CALCA: variants seen among roughly 807,000 people sequenced by gnomAD.
CALCA encodes calcitonin related polypeptide alpha, also known as calcitonin.
A neutral mutation model predicts 6.9 loss-of-function variants in CALCA; 4 were observed. The ratio of observed to expected loss-of-function variants is 0.58; its 90% CI spans 0.29 to 1.33. The LOEUF (loss-of-function observed/expected upper bound fraction) is 1.33, where lower values mean the gene tolerates loss of function less well. Ranked by LOEUF, CALCA falls within the 40% of genes most tolerant of loss-of-function variation. CALCA has a pLI of 0.09. For missense variants in CALCA, 174 were observed against 178.3 expected (o/e 0.98, Z 0.14); for synonymous variants, 78 against 70.0 (o/e 1.11, Z -0.57).
intron 3 of CALCA, 64 bp from the exon 4 acceptor site, chr11:14,969,061 T>C: frequency 6.7e-7 from 1 of 1,499,348 alleles, no homozygotes; most frequent in Admixed American, 1.7e-5. Context: ...GGCAGTCACT[T>C]AGAAGGTTAG....
chr11:14,971,300 G>T, intron 1 of CALCA, 99 bp from the exon 2 acceptor site: 2 of 816,336 alleles, frequency 2.4e-6, no homozygotes, highest in South Asian at 1.4e-5. Context: ...TGCTTCTAAC[G>T]CTCTGGCTTT....
At chr11:14,971,005 C>T in intron 2 of CALCA, 102 bp downstream of exon 2, 1 of 913,998 alleles carries the variant, frequency 1.1e-6, no homozygotes. Context: ...GAGTACATAC[C>T]TTACCCCGGC....
chr11:14,968,727 G>A lies in CALCA; in HGVS notation c.*72C>T. ...AATACCAGCCCAAAGAGCCACCAGAGAGGAACCAAACCACATGCATCAAGT... is the reference window on the plus strand; with the variant it reads ...AATACCAGCCCAAAGAGCCACCAGAAAGGAACCAAACCACATGCATCAAGT... On this transcript the variant is annotated 3_prime_UTR_variant, in exon 4 of 4. Coordinates refer to ENST00000331587, the MANE Select transcript of CALCA (RefSeq NM_001741.3). The A allele has an allele frequency of 6.2e-7, 1 of 1,613,224 alleles. No homozygotes were observed. The highest frequency in any genetic ancestry group is 8.5e-7 in the Non-Finnish European group (1 of 1,179,748).
At chr11:14,966,941 G>C (rs1488854571), downstream of CALCA, 1 of 152,660 alleles carries the variant, frequency 6.6e-6, no homozygotes, top group Non-Finnish European at 1.5e-5. Flanking sequence ...ATGCACAATA[G>C]GTAACTGCAA....
rs1555026136 is a variant in CALCA, at chr11:14,970,018, GC to G, written c.143del (p.Arg48ProfsTer14). Reference sequence around the variant, plus strand: ...CCTGCACCAGTGCAGCCAGCAGGAGGCGCGCTTCGTCCTCACTGAGCGTGGC... The same window carrying G: ...CCTGCACCAGTGCAGCCAGCAGGAGGGCGCTTCGTCCTCACTGAGCGTGGC... ...DPATLSEDEA[R>X]LLLAALVQDY... On this transcript the variant is annotated frameshift_variant, in exon 3 of 4. Coordinates refer to ENST00000331587, the MANE Select transcript of CALCA (RefSeq NM_001741.3). LOFTEE classifies it high-confidence loss of function. 1.2e-6 allele frequency: 2 copies of G among 1,614,088 alleles called. No individual in the cohort carries two copies. Among genetic ancestry groups the G allele is most frequent in the Non-Finnish European group, 1.7e-6 (2 of 1,180,052 alleles).
At chr11:14,967,805 G>A (rs782816793), downstream of CALCA, 31 of 1,614,068 alleles carry the variant, frequency 1.9e-5, no homozygotes, top group Admixed American at 2.2e-4. Flanking sequence ...CCTGCCAGCC[G>A]ATGAGTCACA....
intron 3 of CALCA, among the ~76,000 whole-genome samples, chr11:14,969,710 A>G (rs1356432428): frequency 2.6e-5 from 4 of 152,060 alleles, no homozygotes; most frequent in African/African-American, 9.7e-5. Context: ...TTTCCTAAGA[A>G]CTTTCAGAAA....
chr11:14,970,085 G>A lies in CALCA; in HGVS notation c.87-10C>T. 6.2e-7 allele frequency: 1 copy of A among 1,614,158 alleles called. No individual in the cohort carries two copies. The highest frequency in any genetic ancestry group is 8.5e-7 in the Non-Finnish European group (1 of 1,180,006). Reference sequence around the variant, plus strand: ...GCTCTCCAGGGCAGACCTGTGGAGGGGAAGCAAACTCAGTGCAGGCTGTGA... The same window carrying A: ...GCTCTCCAGGGCAGACCTGTGGAGGAGAAGCAAACTCAGTGCAGGCTGTGA... On this transcript the variant is annotated splice_polypyrimidine_tract_variant and intron_variant, in intron 2 of 3. Transcript: ENST00000331587.
intron 2 of CALCA, among the ~76,000 whole-genome samples, chr11:14,970,522 G>A (rs1451145777): frequency 5.9e-5 from 9 of 152,152 alleles, no homozygotes; most frequent in African/African-American, 2.2e-4. Context: ...AATCATGGCT[G>A]AATAGGATAA....
chr11:14,969,078 C>T, intron 3 of CALCA, 81 bp from the exon 4 acceptor site: 2 of 1,354,630 alleles, frequency 1.5e-6, no homozygotes, highest in South Asian at 2.3e-5. Context: ...TTAGACCAGG[C>T]AGGGGACCCT....
chr11:14,968,419 T>C (rs1202001958), downstream of CALCA: 1 of 1,177,850 alleles, frequency 8.5e-7, no homozygotes, highest in Non-Finnish European at 1.1e-6. Flanking sequence ...TAGCCTAGGG[T>C]TAAGGCTATT....
At chr11:14,968,252 C>T (rs1388446959), downstream of CALCA, 1 of 323,236 alleles carries the variant, frequency 3.1e-6, no homozygotes, top group East Asian at 8.1e-5. Context: ...GCACCAAATA[C>T]CCTTTCTTAG....
At chr11:14,970,386 A>G (rs1849572801) in intron 2 of CALCA, among the ~76,000 whole-genome samples, 1 of 152,256 alleles carries the variant, frequency 6.6e-6, no homozygotes, top group Non-Finnish European at 1.5e-5. Context: ...GCTGAACCTG[A>G]AAATAGTTTC....
rs782409765 is a variant in CALCA at position 14,971,147 on chromosome 11, C to G, written c.46G>C (p.Val16Leu). Residue 16 changes from valine to leucine, a missense_variant, in exon 2 of 4, where the codon GTC (valine) becomes CTC (leucine). Coordinates refer to ENST00000331587, the MANE Select transcript of CALCA (RefSeq NM_001741.3). Reference protein sequence around the residue: ...FSPFLALSILVLLQAGSLHAA... With the variant: ...FSPFLALSILLLLQAGSLHAA... ...TGGAGGCTGCCTGCCTGCAACAGGA[C>G]CAAGATGCTGAGAGCCAGGAAGGGG... is the stretch of plus-strand genomic sequence containing the variant. The G allele has an allele frequency of 1.2e-6, 2 of 1,614,032 alleles. No individual in the cohort carries two copies. The highest frequency in any genetic ancestry group is 1.7e-6 in the Non-Finnish European group (2 of 1,179,994).
chr11:14,968,285 T>C (rs896402616), downstream of CALCA: 4 of 351,228 alleles, frequency 1.1e-5, no homozygotes, highest in Non-Finnish European at 2.0e-5. Context: ...TTCCTCAGTC[T>C]TACCTGGAAG....
intron 2 of CALCA, 50 bp from the exon 3 acceptor site, chr11:14,970,125 C>T: frequency 6.2e-7 from 1 of 1,608,272 alleles, no homozygotes; most frequent in Non-Finnish European, 8.5e-7. Flanking sequence ...CTGCCTGCCC[C>T]TCCCCAGGAT....
downstream of CALCA, chr11:14,968,418 G>T (rs782444972): frequency 2.5e-6 from 3 of 1,179,272 alleles, no homozygotes; most frequent in Non-Finnish European, 3.2e-6. Flanking sequence ...CTAGCCTAGG[G>T]TTAAGGCTAT....
rs1555026078 is a variant in CALCA at position 14,969,935 on chromosome 11, C to T, written c.227G>A (p.Ser76Asn). 1.2e-6 allele frequency: 2 copies of T among 1,612,796 alleles called. No homozygotes were observed. The highest frequency in any genetic ancestry group is 3.3e-5 in the Admixed American group (2 of 60,032). Reference sequence around the variant, plus strand: ...GTGCTGAGCGCTTGGGGAGCCTCACCTGGAGCCCTCTCTCTCTTGCTCCTG... The same window carrying T: ...GTGCTGAGCGCTTGGGGAGCCTCACTTGGAGCCCTCTCTCTCTTGCTCCTG... The part of the protein sequence containing the change: ...LEQEQEREGS[S>N]LDSPRSKRCG... Residue 76 changes from serine to asparagine, a missense_variant and splice_region_variant, in exon 3 of 4, where the codon AGC becomes AAC. Coordinates refer to ENST00000331587, the MANE Select transcript of CALCA (RefSeq NM_001741.3).
intron 3 of CALCA, among the ~76,000 whole-genome samples, 171 bp from the exon 4 acceptor site, chr11:14,969,168 G>A (rs1849530301): frequency 6.6e-6 from 1 of 152,142 alleles, no homozygotes; most frequent in Non-Finnish European, 1.5e-5. Context: ...GTGGGCTAGG[G>A]CAATGCAGGG....
Sources: allele counts gnomAD v4.1 joint callset (sites outside exome capture counted in the v4.1 genomes callset), GRCh38; gene constraint gnomAD v4.1.1; transcripts MANE v1.5; gene names NCBI Gene and HGNC (gene_info 2026-07-23, HGNC 2026-07-21).